TTC13: variants seen among roughly 807,000 people sequenced by gnomAD.
The protein encoded by TTC13 is tetratricopeptide repeat protein 13.
Under a neutral mutation model 120.0 loss-of-function variants are expected in TTC13, and 62 were observed. The ratio of observed to expected loss-of-function variants is 0.52; its 90% CI spans 0.42 to 0.64. The LOEUF is 0.64. Ranked by LOEUF, TTC13 falls within the 30% of genes least tolerant of loss-of-function variation. The probability of loss-of-function intolerance (pLI) is 0.00; values close to 1 mark genes in which losing one functional copy is unlikely to be tolerated. For missense variants in TTC13, 824 were observed against 1,050.2 expected (o/e 0.78, Z 2.98); for synonymous variants, 384 against 393.5 (o/e 0.98, Z 0.28).
At position 230,945,667 on chromosome 1, in the gene TTC13, A is replaced by C. The variant is rs28609677; in HGVS notation, c.514-213T>G. On this transcript the variant is annotated intron_variant, in intron 4 of 22. Transcript: ENST00000366661. ...TGATAAAAGTTTCATGTTGAAAAAAATAATAGAGAGAGAAGGGAACCAACA... is the reference window on the plus strand; with the variant it reads ...TGATAAAAGTTTCATGTTGAAAAAACTAATAGAGAGAGAAGGGAACCAACA... Among the ~76,000 whole-genome samples the C allele has an allele frequency of 0.074, 11,276 of 152,284 alleles. 459 individuals are homozygous for C. Among genetic ancestry groups the C allele is most frequent in the Non-Finnish European group, 0.088 (5,976 of 68,016 alleles).
chr1:230,925,047 A>C, intron 13 of TTC13, 74 bp from the exon 14 acceptor site: 35 of 1,568,146 alleles, frequency 2.2e-5, no homozygotes, highest in Non-Finnish European at 2.7e-5. Flanking sequence ...ACAGAGTCTC[A>C]GTGATAACTC....
rs115711582 is a variant in TTC13 at position 230,938,335 on chromosome 1, G to A, written c.900+1051C>T. 2.7e-3 allele frequency among the ~76,000 whole-genome samples: 408 copies of A among 152,198 alleles called. 2 individuals are homozygous for A. Among genetic ancestry groups the A allele is most frequent in the African/African-American group, 9.3e-3 (386 of 41,520 alleles). ...ACCTACTGTGTGCCAGGCCTTGAGCGGCACTAAGGAGGCCCAGGTGAGAGA... is the reference window on the plus strand; with the variant it reads ...ACCTACTGTGTGCCAGGCCTTGAGCAGCACTAAGGAGGCCCAGGTGAGAGA... On this transcript the variant is annotated intron_variant, in intron 8 of 22. Coordinates refer to ENST00000366661, the MANE Select transcript of TTC13 (RefSeq NM_024525.5).
intron 18 of TTC13, among the ~76,000 whole-genome samples, chr1:230,913,877 C>T (rs1178446355): frequency 6.6e-6 from 1 of 152,120 alleles, no homozygotes; most frequent in Non-Finnish European, 1.5e-5. Flanking sequence ...GGGAGATGGT[C>T]CAGGTCAAGC....
At chr1:230,974,481 T>G (rs1395766962) in intron 1 of TTC13, among the ~76,000 whole-genome samples, 6 of 152,198 alleles carry the variant, frequency 3.9e-5, no homozygotes, top group African/African-American at 1.4e-4. Flanking sequence ...GTCACTATGT[T>G]ACAACTGCCT....
intron 2 of TTC13, among the ~76,000 whole-genome samples, chr1:230,959,439 T>C (rs1676415863): frequency 1.3e-5 from 2 of 152,090 alleles, no homozygotes; most frequent in South Asian, 2.1e-4. Context: ...TTGAGTGCAA[T>C]GGCACGATCT....
chr1:230,910,732 GAT>G (rs1350768203), intron 20 of TTC13, among the ~76,000 whole-genome samples: 1 of 152,226 alleles, frequency 6.6e-6, no homozygotes, highest in Non-Finnish European at 1.5e-5. Context: ...ATATTATGCT[GAT>G]AAGACAACAT....
intron 1 of TTC13, among the ~76,000 whole-genome samples, chr1:230,976,119 T>C (rs1678279046): frequency 6.6e-6 from 1 of 152,214 alleles, no homozygotes; most frequent in Non-Finnish European, 1.5e-5. Flanking sequence ...CCTCAGTATA[T>C]GTGCTGGATT....
chr1:230,933,652 T>G (rs558411142), intron 9 of TTC13, 127 bp downstream of exon 9: 13 of 538,138 alleles, frequency 2.4e-5, no homozygotes, highest in Non-Finnish European at 4.3e-5. Context: ...CTATACATAC[T>G]TGCACAATTC....
chr1:230,958,201 A>C (rs1451263252), intron 3 of TTC13, 23 bp downstream of exon 3: 11 of 1,605,682 alleles, frequency 6.9e-6, no homozygotes, highest in African/African-American at 1.3e-5. Context: ...TATTACAGGA[A>C]TATTACCAGA....
At position 230,913,933 on chromosome 1, in the gene TTC13, A is replaced by C. The variant is rs1021829502; in HGVS notation, c.2094-1175T>G. ...TTGTGAGAGGCTGTGAATGCCTGGC[A>C]GGGAAGCTGGTTTGGGTAGCCACAG... On this transcript the variant is annotated intron_variant, in intron 18 of 22. Transcript: ENST00000366661. 5.9e-5 allele frequency among the ~76,000 whole-genome samples: 9 copies of C among 152,174 alleles called. No homozygotes were observed. The South Asian group carries it at 1.0e-3, about 18-fold the overall frequency.
intron 18 of TTC13, among the ~76,000 whole-genome samples, chr1:230,913,671 C>T (rs1017872188): frequency 3.3e-5 from 5 of 152,194 alleles, no homozygotes; most frequent in African/African-American, 4.8e-5. Flanking sequence ...GAAACCATGA[C>T]TCAGGTCATA....
At chr1:230,960,063 A>G (rs1404982222) in intron 2 of TTC13, among the ~76,000 whole-genome samples, 1 of 152,238 alleles carries the variant, frequency 6.6e-6, no homozygotes, top group Non-Finnish European at 1.5e-5. Context: ...TGCCTGGTAC[A>G]TAATGCAGAG....
Position 230,921,490 on chromosome 1 carries a change from T to A in TTC13, c.1829A>T (p.Asn610Ile), listed in dbSNP as rs2102789284. 6.5e-7 allele frequency: 1 copy of A among 1,541,836 alleles called. No homozygotes were observed. The highest frequency in any genetic ancestry group is 8.8e-7 in the Non-Finnish European group (1 of 1,135,350). Residue 610 changes from asparagine to isoleucine, a missense_variant, in exon 16 of 23, where the codon AAC (asparagine) becomes ATC (isoleucine). Physicochemically the swap from Asn to Ile is moderately radical, Grantham distance 149 (BLOSUM62 -3). Around this residue, in one of 4 missense-constraint regions of TTC13, gnomAD observed 430 missense variants for 626.8 expected, o/e 0.69. Transcript: ENST00000366661. ...HINLIRGQVINMRYLEYFEKI... is the reference protein window; with the variant it reads ...HINLIRGQVIIMRYLEYFEKI... The stretch of plus-strand genomic sequence containing the variant: ...CTCAAAATATTCTAGGTATCTCATG[T>A]TGATCACCTGACCCCTATAAGGCAA...
chr1:230,923,231 C>A (rs115275183), intron 15 of TTC13, among the ~76,000 whole-genome samples: 150 of 152,142 alleles, frequency 9.9e-4, no homozygotes, highest in Non-Finnish European at 1.7e-3. Flanking sequence ...TATTTGTTCA[C>A]CATTTATTTA....
rs2102885186 is a variant in TTC13 at position 230,942,855 on chromosome 1, C to A, written c.672+951G>T. Among the ~76,000 whole-genome samples, 1 of 152,304 alleles carries A rather than the reference C, an allele frequency of 6.6e-6. No homozygotes were observed. Among genetic ancestry groups the A allele is most frequent in the South Asian group, 2.1e-4 (1 of 4,826 alleles). ...TCCTCCGACAGCCTCAGCAAACACT[C>A]CCAACATTCCCCTTCTTCTCTTCCC... On this transcript the variant is annotated intron_variant, in intron 6 of 22. Coordinates refer to ENST00000366661, the MANE Select transcript of TTC13 (RefSeq NM_024525.5). The surrounding 1 kb of genome is among the most constrained non-coding windows in gnomAD (Gnocchi z 4.0).
At chr1:230,924,446 C>T (rs1487191402) in intron 14 of TTC13, among the ~76,000 whole-genome samples, 2 of 152,176 alleles carry the variant, frequency 1.3e-5, no homozygotes, top group Admixed American at 1.3e-4. Context: ...CATTCTCCTG[C>T]CTCAGCCTCC....
Position 230,909,278 on chromosome 1 carries a change from C to T in TTC13, c.2310-258G>A, listed in dbSNP as rs138467463. On this transcript the variant is annotated intron_variant, in intron 20 of 22. Coordinates refer to ENST00000366661, the MANE Select transcript of TTC13 (RefSeq NM_024525.5). ...CAGCACTTTGGGAGGCCAAGGTGGG[C>T]GGATCGCTTGAGGTCAGGAGTTTGA... is the stretch of plus-strand genomic sequence containing the variant. Among the ~76,000 whole-genome samples the T allele has an allele frequency of 2.2e-3, 329 of 151,014 alleles. 6 individuals carry two copies. The East Asian group carries it at 0.031, about 14-fold the overall frequency.
chr1:230,977,609 C>G (rs1171386216), intron 1 of TTC13, among the ~76,000 whole-genome samples: 1 of 152,098 alleles, frequency 6.6e-6, no homozygotes, highest in Non-Finnish European at 1.5e-5. Flanking sequence ...TATTGTTTTC[C>G]CAGGTACACA....
rs577161454 is a variant in TTC13 at position 230,912,085 on chromosome 1, C to A, written c.2230-536G>T. ...TCCACTGCAGAACACAGAGAAGGGG[C>A]GTGGTGGGGAGAGAATGTCCACCAT... On this transcript the variant is annotated intron_variant, in intron 19 of 22. Coordinates refer to ENST00000366661, the MANE Select transcript of TTC13 (RefSeq NM_024525.5). Among the ~76,000 whole-genome samples, 34 of 151,834 alleles carry A rather than the reference C, an allele frequency of 2.2e-4. No homozygotes were observed. In the South Asian group the frequency reaches 7.2e-3, roughly 32 times the overall value.
Sources: allele counts gnomAD v4.1 joint callset (sites outside exome capture counted in the v4.1 genomes callset), GRCh38; gene constraint gnomAD v4.1.1; regional missense constraint gnomAD v4.1.1; non-coding constraint Gnocchi (gnomAD v3.1); transcripts MANE v1.5; gene names NCBI Gene and HGNC (gene_info 2026-07-23, HGNC 2026-07-21).